The following XPR1 variants were observed in gnomAD, a reference collection of about 807,000 sequenced individuals.
XPR1 encodes the protein xenotropic and polytropic retrovirus receptor 1.
A neutral mutation model predicts 87.5 loss-of-function variants in XPR1; 28 were observed. The ratio of observed to expected loss-of-function variants is 0.32; its 90% CI spans 0.24 to 0.44. The LOEUF is 0.44. Ranked by LOEUF, XPR1 falls within the 20% of genes least tolerant of loss-of-function variation. The pLI, the probability that XPR1 is intolerant of heterozygous loss-of-function variation, is 1.00. For synonymous variants in XPR1, 300 were observed against 306.1 expected (o/e 0.98, Z 0.21); for missense variants, 559 against 862.3 (o/e 0.65, Z 4.41).
chr1:180,847,904 C>T (rs546628248), intron 11 of XPR1, among the ~76,000 whole-genome samples: 3 of 152,252 alleles, frequency 2.0e-5, no homozygotes, highest in South Asian at 4.1e-4. Flanking sequence ...TTCAAACCTT[C>T]AAGGAATGGT....
At chr1:180,677,248 T>C (rs954512048) in intron 1 of XPR1, among the ~76,000 whole-genome samples, 24 of 152,324 alleles carry the variant, frequency 1.6e-4, no homozygotes, top group Non-Finnish European at 2.5e-4. Context: ...GCCAATTTAT[T>C]AAGACAGGAA....
At position 180,888,109 on chromosome 1, in the gene XPR1, C is replaced by T. The variant is rs1653073184; in HGVS notation, c.*4043C>T. 1 of 152,198 alleles carries T rather than the reference C, an allele frequency of 6.6e-6. No homozygotes were observed. The highest frequency in any genetic ancestry group is 1.5e-5 in the Non-Finnish European group (1 of 68,048). The allele number at this position is 152,198 out of a possible 1,614,324, so 9.4% of individuals were successfully genotyped here. On this transcript the variant is annotated 3_prime_UTR_variant, in exon 15 of 15. Transcript: ENST00000367590. ...CGAAGGTGATGCCTCCATCTGTCCG[C>T]TTAGTGGTTATTAAATTGCTGGGAA...
At chr1:180,696,616 C>G (rs934796941) in intron 2 of XPR1, among the ~76,000 whole-genome samples, 4 of 152,050 alleles carry the variant, frequency 2.6e-5, no homozygotes, top group African/African-American at 9.7e-5. Flanking sequence ...ATGATGTTGG[C>G]TGTGGGTTTG....
At chr1:180,632,419 C>T (rs556349732) in intron 1 of XPR1, 149 bp downstream of exon 1, 9 of 1,009,362 alleles carry the variant, frequency 8.9e-6, no homozygotes, top group Non-Finnish European at 1.3e-5. Flanking sequence ...GCATCCCCGC[C>T]GCGGCCGGCC....
chr1:180,694,061 G>T (rs11811353), intron 2 of XPR1, among the ~76,000 whole-genome samples: 1 of 152,056 alleles, frequency 6.6e-6, no homozygotes, highest in Non-Finnish European at 1.5e-5. Context: ...GAGCTCAGTA[G>T]ACTGTCCCAC....
chr1:180,780,767 C>CAAAAAAAAAAAA lies in XPR1; in HGVS notation c.122-6982_122-6971dup, dbSNP rs756960289. ...TGGGCAACAGAGCAAGACTCTGTCTCAAAAAAAAAAAAAAAGAGATGCAAG... is the reference window on the plus strand; with the variant it reads ...TGGGCAACAGAGCAAGACTCTGTCTCAAAAAAAAAAAAAAAAAAAAAAAAAAAGAGATGCAAG... On this transcript the variant is annotated intron_variant, in intron 2 of 14. Transcript: ENST00000367590. Among the ~76,000 whole-genome samples the CAAAAAAAAAAAA allele has an allele frequency of 9.4e-4, 100 of 106,070 alleles. 2 individuals are homozygous for CAAAAAAAAAAAA. Among genetic ancestry groups the CAAAAAAAAAAAA allele is most frequent in the African/African-American group, 3.6e-3 (96 of 26,834 alleles). 69.6% of individuals were successfully genotyped at this position (106,070 alleles called of 152,430 possible). A position where few individuals can be genotyped will look rare whatever the true frequency, so the allele number is the denominator to read the frequency against.
intron 2 of XPR1, among the ~76,000 whole-genome samples, chr1:180,765,277 A>G (rs1415025167): frequency 1.3e-5 from 2 of 152,188 alleles, no homozygotes; most frequent in Non-Finnish European, 2.9e-5. Context: ...TATCCACAGT[A>G]TAGTCTGCCA....
At chr1:180,883,893 C>G (rs1030543142) in intron 14 of XPR1, 113 bp from the exon 15 acceptor site, 21 of 862,632 alleles carry the variant, frequency 2.4e-5, no homozygotes, top group Non-Finnish European at 3.9e-5. Flanking sequence ...CAGATAGTCC[C>G]TGTTTAGGAT....
chr1:180,857,762 TTCAG>T (rs1652082997), intron 11 of XPR1, among the ~76,000 whole-genome samples: 1 of 152,202 alleles, frequency 6.6e-6, no homozygotes, highest in South Asian at 2.1e-4. Flanking sequence ...CCAGTAGACA[TTCAG>T]TATTTGTTTG....
chr1:180,822,273 T>C (rs536091346), intron 7 of XPR1, among the ~76,000 whole-genome samples: 1 of 152,326 alleles, frequency 6.6e-6, no homozygotes, highest in East Asian at 1.9e-4. Flanking sequence ...GTAACTTGGC[T>C]TTCTTCCTAG....
intron 3 of XPR1, among the ~76,000 whole-genome samples, chr1:180,799,068 C>CTAAA (rs1363663418): frequency 6.6e-6 from 1 of 152,126 alleles, no homozygotes; most frequent in Admixed American, 6.5e-5. Context: ...TACTTTTAGC[C>CTAAA]AGTAAACCCC....
At chr1:180,792,407 G>A (rs562582089) in intron 3 of XPR1, among the ~76,000 whole-genome samples, 70 of 152,182 alleles carry the variant, frequency 4.6e-4, no homozygotes, top group Admixed American at 1.2e-3. Context: ...TTTTCTTGCC[G>A]ATGCTATTTA....
At chr1:180,798,267 G>C (rs1456454005) in intron 3 of XPR1, among the ~76,000 whole-genome samples, 1 of 151,946 alleles carries the variant, frequency 6.6e-6, no homozygotes, top group African/African-American at 2.4e-5. Context: ...GGACCAATTA[G>C]ATCTTTTACA....
intron 2 of XPR1, among the ~76,000 whole-genome samples, chr1:180,713,164 C>T (rs1172054207): frequency 2.0e-5 from 3 of 151,956 alleles, no homozygotes; most frequent in Admixed American, 2.0e-4. Context: ...TCTTTAATTT[C>T]TCTCAGCAGT....
intron 2 of XPR1, among the ~76,000 whole-genome samples, chr1:180,684,946 C>T (rs952096640): frequency 1.2e-4 from 19 of 152,130 alleles, no homozygotes; most frequent in African/African-American, 4.6e-4. Flanking sequence ...GACAATTTGA[C>T]TTCCTCTTTT....
chr1:180,825,443 G>T (rs999074202), intron 9 of XPR1, 99 bp downstream of exon 9: 8 of 1,264,276 alleles, frequency 6.3e-6, no homozygotes, highest in Admixed American at 2.6e-5. Context: ...AACTGCAGAG[G>T]CCGTGGTTCA....
At chr1:180,733,111 G>A (rs980483188) in intron 2 of XPR1, among the ~76,000 whole-genome samples, 4 of 152,166 alleles carry the variant, frequency 2.6e-5, no homozygotes, top group African/African-American at 9.7e-5. Flanking sequence ...TCCTTTCTGT[G>A]TCCAGCGGGC....
chr1:180,696,208 G>GTATTTATATA, intron 2 of XPR1, among the ~76,000 whole-genome samples: 1 of 88,592 alleles, frequency 1.1e-5, no homozygotes, highest in African/African-American at 3.7e-5. Flanking sequence ...GTGTGTGTGT[G>GTATTTATATA]TATATATATA....
chr1:180,714,349 TTC>T (rs71121047), intron 2 of XPR1, among the ~76,000 whole-genome samples: 9,021 of 71,696 alleles, frequency 0.13, 657 homozygotes, highest in Non-Finnish European at 0.15. Flanking sequence ...TTTTTCCCTG[TTC>T]TCTCTCTCTC....
Sources: allele counts gnomAD v4.1 joint callset (sites outside exome capture counted in the v4.1 genomes callset), GRCh38; gene constraint gnomAD v4.1.1; transcripts MANE v1.5; gene names NCBI Gene and HGNC (gene_info 2026-07-23, HGNC 2026-07-21).